The following TMCC3 variants were observed in gnomAD, a reference collection of about 807,000 sequenced individuals.
TMCC3 encodes the protein transmembrane and coiled-coil domain protein 3.
Under a neutral mutation model 40.2 loss-of-function variants are expected in TMCC3, and 28 were observed. That is an observed-to-expected ratio of 0.70 (90% CI 0.52 to 0.95). The LOEUF (loss-of-function observed/expected upper bound fraction) is 0.95. TMCC3 is among the 40% of genes least tolerant of loss of function. TMCC3 has a pLI of 0.00. For missense variants in TMCC3, 554 were observed against 615.2 expected, an observed-to-expected ratio of 0.90 and a Z score of 1.05; for synonymous variants, 255 against 248.5, an observed-to-expected ratio of 1.03 and a Z score of -0.25.
At chr12:94,643,909 A>C (rs922599203) in intron 1 of TMCC3, among the ~76,000 whole-genome samples, 1 of 152,228 alleles carries the variant, frequency 6.6e-6, no homozygotes, top group Non-Finnish European at 1.5e-5. Flanking sequence ...TCTTAGAGAA[A>C]CTAATAATCT....
intron 1 of TMCC3, among the ~76,000 whole-genome samples, chr12:94,645,624 G>C (rs1016854979): frequency 2.0e-5 from 3 of 152,100 alleles, no homozygotes; most frequent in African/African-American, 2.4e-5. Flanking sequence ...ATTTTTAGTA[G>C]AGACCGGATT....
intron 1 of TMCC3, among the ~76,000 whole-genome samples, chr12:94,618,669 C>A (rs1317373713): frequency 2.0e-5 from 3 of 152,150 alleles, no homozygotes; most frequent in African/African-American, 7.2e-5. Context: ...ACAAGTTCCT[C>A]CTCGCTCACA....
intron 1 of TMCC3, among the ~76,000 whole-genome samples, chr12:94,601,583 G>T (rs540151628): frequency 1.8e-4 from 27 of 151,724 alleles, no homozygotes; most frequent in African/African-American, 2.7e-4. Flanking sequence ...CCAACATTGT[G>T]GGGGGGCGAG....
At chr12:94,602,643 G>C (rs937947265) in intron 1 of TMCC3, among the ~76,000 whole-genome samples, 4 of 152,162 alleles carry the variant, frequency 2.6e-5, no homozygotes, top group Admixed American at 6.6e-5. Flanking sequence ...TTCTTTTAGA[G>C]ACAAGGTCTT....
intron 1 of TMCC3, 26 bp downstream of exon 1, chr12:94,650,327 G>A: frequency 1.6e-6 from 2 of 1,246,678 alleles, no homozygotes; most frequent in Non-Finnish European, 2.0e-6. Flanking sequence ...GCGCGCACCC[G>A]CCGCCCCCCA....
At chr12:94,636,680 A>G (rs2068962538) in intron 1 of TMCC3, among the ~76,000 whole-genome samples, 2 of 152,272 alleles carry the variant, frequency 1.3e-5, no homozygotes, top group Non-Finnish European at 2.9e-5. Context: ...AAGAGGATCT[A>G]GAAGTAAAAG....
At chr12:94,590,105 CTT>C (rs61126367) in intron 1 of TMCC3, among the ~76,000 whole-genome samples, 18 of 131,604 alleles carry the variant, frequency 1.4e-4, no homozygotes, top group East Asian at 2.2e-4. Context: ...AAAATCTATT[CTT>C]TTTTTTTTTT....
rs1192522604 is a variant in TMCC3, at chr12:94,633,054, C to T, written c.78+17299G>A. 4.0e-5 allele frequency among the ~76,000 whole-genome samples: 6 copies of T among 151,818 alleles called. No homozygotes were observed. The East Asian group carries it at 7.8e-4, about 20-fold the overall frequency. On this transcript the variant is annotated intron_variant, in intron 1 of 3. Transcript: ENST00000261226. ...CTGAAAGGTGGAAGACGCAGTGGGC[C>T]GAGATTGCACCATTGCACTGCAGCC...
intron 1 of TMCC3, among the ~76,000 whole-genome samples, chr12:94,594,893 CAG>C (rs1347444488): frequency 1.3e-5 from 2 of 152,218 alleles, no homozygotes; most frequent in East Asian, 3.8e-4. Context: ...ACCTGTCTTG[CAG>C]AGTCTTTCGG....
chr12:94,594,671 G>A (rs980875490), intron 1 of TMCC3, among the ~76,000 whole-genome samples: 16 of 152,116 alleles, frequency 1.1e-4, no homozygotes, highest in Middle Eastern at 3.2e-3. Context: ...CAGGAAAAAC[G>A]AGTCTCTGAG....
intron 1 of TMCC3, among the ~76,000 whole-genome samples, chr12:94,618,934 A>C (rs1032651508): frequency 1.3e-5 from 2 of 152,148 alleles, no homozygotes; most frequent in African/African-American, 4.8e-5. Context: ...AATAGGGGGA[A>C]AAATGAAAGC....
At chr12:94,625,074 C>T (rs919834946) in intron 1 of TMCC3, among the ~76,000 whole-genome samples, 2 of 139,590 alleles carry the variant, frequency 1.4e-5, no homozygotes, top group Non-Finnish European at 3.1e-5. Flanking sequence ...TCCGGGAGGC[C>T]AAGGTTGCAG....
intron 1 of TMCC3, among the ~76,000 whole-genome samples, chr12:94,633,428 G>C (rs1402340658): frequency 2.0e-5 from 3 of 152,090 alleles, no homozygotes; most frequent in African/African-American, 4.8e-5. Context: ...GCAGATATAT[G>C]GGTATCATAG....
chr12:94,623,846 C>A (rs893436344), intron 1 of TMCC3, among the ~76,000 whole-genome samples: 1 of 152,218 alleles, frequency 6.6e-6, no homozygotes. Flanking sequence ...GCAGTACCAT[C>A]GGCAAAGTAA....
intron 2 of TMCC3, 62 bp from the exon 3 acceptor site, chr12:94,578,591 C>T (rs541876099): frequency 6.5e-7 from 1 of 1,542,894 alleles, no homozygotes; most frequent in African/African-American, 1.4e-5. Flanking sequence ...GAACGATGTC[C>T]TTTTTATCTT....
intron 2 of TMCC3, 102 bp from the exon 3 acceptor site, chr12:94,578,631 A>G (rs2068582538): frequency 2.3e-6 from 3 of 1,306,468 alleles, no homozygotes; most frequent in Non-Finnish European, 3.1e-6. Flanking sequence ...GCTTGCTCTC[A>G]TTCCCTGATG....
chr12:94,597,166 A>ATATATATATATATATAT (rs1491007129), intron 1 of TMCC3, among the ~76,000 whole-genome samples: 27 of 91,010 alleles, frequency 3.0e-4, no homozygotes, highest in South Asian at 6.6e-4. Flanking sequence ...TATGTATATA[A>ATATATATATATATATAT]ATTAGCCAGG....
intron 1 of TMCC3, among the ~76,000 whole-genome samples, chr12:94,590,662 G>C (rs1449711563): frequency 6.6e-6 from 1 of 152,150 alleles, no homozygotes; most frequent in Non-Finnish European, 1.5e-5. Context: ...ACCGATGTGG[G>C]GCTCAGCATG....
chr12:94,577,258 G>A (rs751809829), intron 3 of TMCC3, among the ~76,000 whole-genome samples: 3 of 151,944 alleles, frequency 2.0e-5, no homozygotes, highest in Non-Finnish European at 2.9e-5. Context: ...GCGCGATCTC[G>A]GCTCATTGCA....
Sources: gnomAD v4.1 joint callset for allele counts (sites outside exome capture counted in the v4.1 genomes callset) on GRCh38, gnomAD v4.1.1 for gene constraint, MANE v1.5 for transcripts, NCBI Gene and HGNC (gene_info 2026-07-23, HGNC 2026-07-21) for gene names.